RANBP3: variants seen among roughly 807,000 people sequenced by gnomAD.
RANBP3 encodes RAN binding protein 3.
A neutral mutation model predicts 77.3 loss-of-function variants in RANBP3; 14 were observed. That is an observed-to-expected ratio of 0.18 (90% confidence interval 0.12 to 0.28). The LOEUF is 0.28. RANBP3 is among the 10% of genes least tolerant of loss of function. The probability of loss-of-function intolerance (pLI) is 1.00; values close to 1 mark genes in which losing one functional copy is unlikely to be tolerated. For synonymous variants in RANBP3, 315 were observed against 312.4 expected (o/e 1.01, Z -0.09); for missense variants, 586 against 752.3 (o/e 0.78, Z 2.59).
intron 1 of RANBP3, among the ~76,000 whole-genome samples, chr19:5,973,729 G>A (rs2058556178): frequency 2.0e-5 from 3 of 152,248 alleles, no homozygotes. Flanking sequence ...CCAGAGCAGA[G>A]TGCACTGTAG....
rs1231495995 is a variant in RANBP3 at position 5,916,302 on chromosome 19, C to T, written c.*1308G>A. The stretch of plus-strand genomic sequence containing the variant: ...TCTCTCGGGAGGGCCTCTGGTTCTT[C>T]CCGGGCTCAGGCTTGCTGGGGGCTG... On this transcript the variant is annotated 3_prime_UTR_variant, in exon 17 of 17. Transcript: ENST00000340578. 6.6e-6 allele frequency: 1 copy of T among 152,494 alleles called. No individual in the cohort carries two copies. The highest frequency in any genetic ancestry group is 1.9e-4 in the East Asian group (1 of 5,186). 9.4% of individuals were successfully genotyped at this position (152,494 alleles called of 1,614,324 possible). A position where few individuals can be genotyped will look rare whatever the true frequency, so the allele number is the denominator to read the frequency against.
In RANBP3 at chr19:5,917,290, C is replaced by A; in HGVS notation, c.*320G>T. The A allele has an allele frequency of 4.8e-6, 2 of 415,620 alleles. No individual in the cohort carries two copies. Among genetic ancestry groups the A allele is most frequent in the Non-Finnish European group, 4.4e-6 (1 of 228,890 alleles). 25.7% of individuals were successfully genotyped at this position (415,620 alleles called of 1,614,324 possible). On this transcript the variant is annotated 3_prime_UTR_variant, in exon 17 of 17. Transcript: ENST00000340578. ...GCTGGACCCAGAGGCTGGCGACACG[C>A]GGGGTGAAGGAACGAGGTCTCCAGT...
chr19:5,973,893 G>C (rs1176769691), intron 1 of RANBP3, among the ~76,000 whole-genome samples: 1 of 152,156 alleles, frequency 6.6e-6, no homozygotes, highest in Admixed American at 6.5e-5. Flanking sequence ...GGCTCAAAGA[G>C]GTTAAGAAAT....
chr19:5,947,923 G>T (rs894889898), intron 3 of RANBP3, among the ~76,000 whole-genome samples: 2 of 152,218 alleles, frequency 1.3e-5, no homozygotes, highest in African/African-American at 2.4e-5. Flanking sequence ...CCTAAGGAAT[G>T]AAACAGTGAA....
At position 5,969,775 on chromosome 19, in the gene RANBP3, T is replaced by G. The variant is rs148666983; in HGVS notation, c.22+8286A>C. 7.4e-3 allele frequency among the ~76,000 whole-genome samples: 1,124 copies of G among 152,364 alleles called. 4 individuals are homozygous for G. The highest frequency in any genetic ancestry group is 0.012 in the Non-Finnish European group (845 of 68,026). The stretch of plus-strand genomic sequence containing the variant: ...AGGACTCAGGCATCCCTGAAGGTTC[T>G]TCCCAGCCCTTACATTCTGTCAGGT... On this transcript the variant is annotated intron_variant, in intron 1 of 16. Transcript: ENST00000340578.
chr19:5,917,689 C>T (rs755082941), intron 16 of RANBP3, 36 bp from the exon 17 acceptor site: 6 of 1,599,242 alleles, frequency 3.8e-6, no homozygotes, highest in Non-Finnish European at 4.3e-6. Context: ...CAGGATGGAG[C>T]CCGCACTTCC....
intron 1 of RANBP3, among the ~76,000 whole-genome samples, chr19:5,961,723 A>C (rs2058404585): frequency 6.7e-6 from 1 of 149,338 alleles, no homozygotes; most frequent in African/African-American, 2.5e-5. Context: ...ACAAGAGTGA[A>C]ACTCTGTCTC....
At chr19:5,962,599 T>G (rs139677875) in intron 1 of RANBP3, 8 of 453,252 alleles carry the variant, frequency 1.8e-5, no homozygotes, top group Non-Finnish European at 2.2e-5. Context: ...CAATAGGAGA[T>G]GAACTTGGCC....
chr19:5,922,566 T>G (rs1309723654), intron 13 of RANBP3, among the ~76,000 whole-genome samples: 1 of 152,206 alleles, frequency 6.6e-6, no homozygotes, highest in Non-Finnish European at 1.5e-5. Context: ...GGATGCCAGG[T>G]GACAAATAAT....
intron 6 of RANBP3, chr19:5,932,913 G>C: frequency 3.4e-6 from 1 of 290,338 alleles, no homozygotes; most frequent in East Asian, 8.7e-5. Context: ...GGCACATTTT[G>C]CACCTGTTTT....
chr19:5,978,105 C>T lies in RANBP3; in HGVS notation c.-23G>A. 1 of 1,604,944 alleles carries T rather than the reference C, an allele frequency of 6.2e-7. No homozygotes were observed. Among genetic ancestry groups the T allele is most frequent in the South Asian group, 1.1e-5 (1 of 89,708 alleles). The stretch of plus-strand genomic sequence containing the variant: ...CATTTTACTTCCTTAAGCCCTCCCA[C>T]AAGGCCCCGCGCCGGCCCAGGCTCG... On this transcript the variant is annotated 5_prime_UTR_variant, in exon 1 of 17. It adds an upstream start codon to the 5' untranslated region. Transcript: ENST00000340578.
In RANBP3 at chr19:5,927,985, A is replaced by C. The variant is rs776714348; in HGVS notation, c.796T>G (p.Leu266Val). The C allele has an allele frequency of 1.9e-6, 3 of 1,612,844 alleles. No homozygotes were observed. The highest frequency in any genetic ancestry group is 2.5e-6 in the Non-Finnish European group (3 of 1,179,528). ...TQQAFVFGQN[L>V]RDRVKLINES... The stretch of plus-strand genomic sequence containing the variant: ...TCACATACCTTAACTCTGTCCCTCA[A>C]GTTCTGCCCAAATACAAAGGCTTGC... Residue 266 changes from leucine to valine, a missense_variant, in exon 9 of 17, where the codon TTG becomes GTG. Leu to Val is a conservative substitution (Grantham distance 32, BLOSUM62 1). Around this residue, in one of 5 missense-constraint regions of RANBP3, gnomAD observed 232 missense variants for 271.7 expected, o/e 0.85. Coordinates refer to ENST00000340578, the MANE Select transcript of RANBP3 (RefSeq NM_007322.3).
intron 1 of RANBP3, among the ~76,000 whole-genome samples, chr19:5,972,752 C>G (rs1030906744): frequency 1.3e-5 from 2 of 152,182 alleles, no homozygotes; most frequent in Admixed American, 6.5e-5. Context: ...ATTCAACCCC[C>G]CTTCTCCACC....
intron 2 of RANBP3, among the ~76,000 whole-genome samples, chr19:5,951,887 G>A (rs959787856): frequency 6.6e-6 from 1 of 152,230 alleles, no homozygotes; most frequent in Non-Finnish European, 1.5e-5. Context: ...TGCCTGGCAA[G>A]GAGCTACTTG....
chr19:5,963,985 C>A (rs1345490852), intron 1 of RANBP3, among the ~76,000 whole-genome samples: 1 of 152,192 alleles, frequency 6.6e-6, no homozygotes, highest in Admixed American at 6.5e-5. Context: ...CCCCTGCTGC[C>A]CCCTGGTACC....
At chr19:5,933,016 C>CCTCACTAGCAGCCGG (rs991516078) in intron 6 of RANBP3, 4 of 253,840 alleles carry the variant, frequency 1.6e-5, no homozygotes, top group African/African-American at 6.8e-5. Flanking sequence ...TCCCCGGCAG[C>CCTCACTAGCAGCCGG]CTCACTAGCA....
intron 5 of RANBP3, chr19:5,935,682 G>A (rs752465231): frequency 5.0e-5 from 23 of 456,090 alleles, no homozygotes; most frequent in African/African-American, 2.8e-4. Context: ...CCCTGCCACC[G>A]ACCTGCCACT....
At position 5,958,047 on chromosome 19, in the gene RANBP3, A is replaced by G. The variant is rs551336944; in HGVS notation, c.23-74T>C. 5.2e-5 allele frequency: 68 copies of G among 1,312,492 alleles called. No individual in the cohort carries two copies. Among genetic ancestry groups the G allele is most frequent in the Non-Finnish European group, 7.2e-5 (66 of 910,380 alleles). The allele number at this position is 1,312,492 out of a possible 1,614,324, so 81.3% of individuals were successfully genotyped here. ...AGTAAACAAAGCTACACTTGTTTGT[A>G]ATATGTTAAACATATATATAAATGA... is the stretch of plus-strand genomic sequence containing the variant. On this transcript the variant is annotated intron_variant, in intron 1 of 16. Transcript: ENST00000340578. This position sits in a 1 kb window ranked among gnomAD's most constrained non-coding sequence, Gnocchi z 4.4.
At chr19:5,937,685 T>A (rs892067001) in intron 5 of RANBP3, among the ~76,000 whole-genome samples, 1 of 152,196 alleles carries the variant, frequency 6.6e-6, no homozygotes, top group Non-Finnish European at 1.5e-5. Context: ...AGAACTGATG[T>A]GTGGCTGATA....
Sources: gnomAD v4.1 joint callset for allele counts (sites outside exome capture counted in the v4.1 genomes callset) on GRCh38, gnomAD v4.1.1 for gene constraint, gnomAD v4.1.1 regional missense constraint, Gnocchi (gnomAD v3.1) non-coding constraint, MANE v1.5 for transcripts, NCBI Gene and HGNC (gene_info 2026-07-23, HGNC 2026-07-21) for gene names.